Variants in ZC3H13 observed in about 807,000 individuals in gnomAD.
ZC3H13 encodes the protein zinc finger CCCH-type containing 13, also known as zinc finger CCCH domain-containing protein 13.
Under a neutral mutation model 204.1 loss-of-function variants are expected in ZC3H13, and 64 were observed. The observed-to-expected ratio is 0.31, with a 90% CI of 0.26 to 0.39. ZC3H13 has a LOEUF of 0.39. Among genes scored for constraint, ZC3H13 ranks in the 10% least tolerant of loss-of-function variants. The probability of loss-of-function intolerance (pLI) is 1.00; values close to 1 mark genes in which losing one functional copy is unlikely to be tolerated. For missense variants in ZC3H13, 1,833 were observed against 2,082.7 expected, an observed-to-expected ratio of 0.88 and a Z score of 2.33; for synonymous variants, 667 against 693.7, an observed-to-expected ratio of 0.96 and a Z score of 0.60.
At chr13:45,987,098 C>A (rs1014006309) in intron 9 of ZC3H13, among the ~76,000 whole-genome samples, 3 of 152,118 alleles carry the variant, frequency 2.0e-5, no homozygotes, top group Non-Finnish European at 4.4e-5. Context: ...CATGATGCGC[C>A]CATCTGTCTT....
chr13:45,977,421 C>G (rs1197734331), intron 11 of ZC3H13, among the ~76,000 whole-genome samples: 1 of 152,074 alleles, frequency 6.6e-6, no homozygotes, highest in Non-Finnish European at 1.5e-5. Flanking sequence ...TTTTCCCAAC[C>G]AAAATATCAA....
At chr13:45,982,810 C>CA (rs568141092) in intron 10 of ZC3H13, among the ~76,000 whole-genome samples, 7 of 151,814 alleles carry the variant, frequency 4.6e-5, no homozygotes, top group South Asian at 2.1e-4. Context: ...AAAACAAAAA[C>CA]AAAAAAAATT....
intron 4 of ZC3H13, among the ~76,000 whole-genome samples, chr13:46,031,143 T>G (rs2042873820): frequency 6.6e-6 from 1 of 152,106 alleles, no homozygotes; most frequent in Non-Finnish European, 1.5e-5. Context: ...TCAACTGATT[T>G]TTAACAAAGA....
intron 10 of ZC3H13, among the ~76,000 whole-genome samples, chr13:45,983,572 G>A (rs911392037): frequency 6.7e-5 from 10 of 148,432 alleles, no homozygotes; most frequent in Non-Finnish European, 1.2e-4. Flanking sequence ...GATTACAGGC[G>A]CCCACCACCA....
rs888249097 is a variant in ZC3H13 at position 45,967,889 on chromosome 13, C to G, written c.3936G>C (p.Glu1312Asp). ...TCTGCCTCGTATCTCTCCTCTCTCT[C>G]TCGCGCTCTCTGTCGTGTTCATATC... Reference protein sequence around the residue: ...RDRYEHDRERERERRDTRQRE... With the variant: ...RDRYEHDRERDRERRDTRQRE... The change falls in exon 15 of 19, where the codon GAG becomes GAC. Residue 1312 changes from glutamate (E) to aspartate (D), a missense_variant. Physicochemically the swap from Glu to Asp is conservative, Grantham distance 45. Transcript: ENST00000679008. 2 of 1,613,964 alleles carry G rather than the reference C, an allele frequency of 1.2e-6. No homozygotes were observed. The highest frequency in any genetic ancestry group is 2.7e-5 in the African/African-American group (2 of 74,904).
chr13:45,990,106 T>G (rs1395639053), intron 8 of ZC3H13, among the ~76,000 whole-genome samples: 1 of 152,182 alleles, frequency 6.6e-6, no homozygotes, highest in Non-Finnish European at 1.5e-5. Flanking sequence ...CTACTGACAT[T>G]TTGTACTGGG....
At chr13:45,972,320 T>C (rs1952653593) in intron 12 of ZC3H13, among the ~76,000 whole-genome samples, 1 of 152,126 alleles carries the variant, frequency 6.6e-6, no homozygotes, top group African/African-American at 2.4e-5. Flanking sequence ...GGACTACTAC[T>C]CAGCCATAAA....
chr13:45,989,863 T>C (rs1430399876), intron 8 of ZC3H13, among the ~76,000 whole-genome samples: 1 of 152,174 alleles, frequency 6.6e-6, no homozygotes. Flanking sequence ...TTTTGTGCAA[T>C]AACTAAGAAG....
intron 10 of ZC3H13, among the ~76,000 whole-genome samples, chr13:45,981,637 C>T (rs370568266): frequency 6.6e-6 from 1 of 152,144 alleles, no homozygotes; most frequent in Non-Finnish European, 1.5e-5. Flanking sequence ...CACATCCTCT[C>T]CAGCACCTGT....
At chr13:45,980,991 C>T (rs530341155) in intron 10 of ZC3H13, among the ~76,000 whole-genome samples, 12 of 152,284 alleles carry the variant, frequency 7.9e-5, no homozygotes, top group Admixed American at 3.3e-4. Flanking sequence ...GATGTTAACA[C>T]TGGAGAAGTT....
intron 4 of ZC3H13, among the ~76,000 whole-genome samples, chr13:46,038,222 C>T (rs1330440875): frequency 5.9e-5 from 9 of 152,196 alleles, no homozygotes; most frequent in Admixed American, 5.9e-4. Context: ...GCTTCACAAG[C>T]TCCTCAAACA....
chr13:45,962,701 A>T, intron 17 of ZC3H13: 1 of 981,740 alleles, frequency 1.0e-6, no homozygotes, highest in Non-Finnish European at 1.2e-6. Context: ...TAAAACTCAT[A>T]AAACAATATT....
In ZC3H13 at chr13:45,975,908, A is replaced by T. The variant is rs1380265734; in HGVS notation, c.1913-70T>A. ...ACCTATTGGTAAGACAGCATGGTAA[A>T]TCTTAAATTTTATCTGTGATAGGGT... On this transcript the variant is annotated intron_variant, in intron 11 of 18. Coordinates refer to ENST00000679008, the MANE Select transcript of ZC3H13 (RefSeq NM_001330564.2). 2.8e-6 allele frequency: 4 copies of T among 1,427,304 alleles called. No individual in the cohort carries two copies. The African/African-American group carries it at 9.9e-5, about 35-fold the overall frequency. The allele number at this position is 1,427,304 out of a possible 1,614,324, so 88.4% of individuals were successfully genotyped here.
intron 15 of ZC3H13, 132 bp downstream of exon 15, chr13:45,967,372 T>G: frequency 2.0e-6 from 2 of 1,019,532 alleles, no homozygotes; most frequent in East Asian, 5.3e-5. Flanking sequence ...TGAAATCTAC[T>G]TCCTCTATAG....
chr13:46,042,132 G>T, intron 4 of ZC3H13, 32 bp downstream of exon 4: 1 of 1,546,318 alleles, frequency 6.5e-7, no homozygotes, highest in African/African-American at 1.4e-5. Context: ...CACTACTGAA[G>T]TTGAACTTTG....
At chr13:45,983,722 C>T (rs909544636) in intron 10 of ZC3H13, among the ~76,000 whole-genome samples, 42 of 151,824 alleles carry the variant, frequency 2.8e-4, no homozygotes, top group African/African-American at 7.7e-4. Flanking sequence ...CCACCGCGCC[C>T]GGCCCCTTCT....
chr13:46,038,755 G>C (rs897473651), intron 4 of ZC3H13, among the ~76,000 whole-genome samples: 4 of 152,166 alleles, frequency 2.6e-5, no homozygotes, highest in African/African-American at 4.8e-5. Flanking sequence ...CTTGCTGGTG[G>C]CTCATGCCTG....
At chr13:46,020,266 C>T (rs576451537) in intron 5 of ZC3H13, among the ~76,000 whole-genome samples, 183 bp downstream of exon 5, 1 of 152,238 alleles carries the variant, frequency 6.6e-6, no homozygotes, top group Admixed American at 6.5e-5. Flanking sequence ...AAACCACTTT[C>T]TCTGCCTTTG....
At chr13:46,007,050 A>G (rs2896951) in intron 7 of ZC3H13, among the ~76,000 whole-genome samples, 113,721 of 151,730 alleles carry the variant, frequency 0.75, 43,128 homozygotes, top group African/African-American at 0.85. Flanking sequence ...ATCAATAATT[A>G]GCATCTGTAT....
Sources: gnomAD v4.1 joint callset for allele counts (sites outside exome capture counted in the v4.1 genomes callset) on GRCh38, gnomAD v4.1.1 for gene constraint, MANE v1.5 for transcripts, NCBI Gene and HGNC (gene_info 2026-07-23, HGNC 2026-07-21) for gene names.